DEFB125: variants seen among roughly 807,000 people sequenced by gnomAD.
The protein encoded by DEFB125 is beta-defensin 125.
DEFB125 carries 11 observed loss-of-function variants against 11.8 expected under a neutral mutation model. The observed-to-expected ratio is 0.94, with a 90% CI of 0.59 to 1.55. The LOEUF is 1.55. DEFB125 is among the 40% of genes most tolerant of loss of function. DEFB125 has a pLI of 0.00. For synonymous variants in DEFB125, 79 were observed against 66.7 expected, an observed-to-expected ratio of 1.18 and a Z score of -0.90; for missense variants, 198 against 191.2, an observed-to-expected ratio of 1.04 and a Z score of -0.21.
In DEFB125 at chr20:96,554, C is replaced by T. The variant is rs969235499; in HGVS notation, c.*137C>T. The T allele has an allele frequency of 7.2e-5, 75 of 1,035,046 alleles. 1 individual carries two copies. In the Admixed American group the frequency reaches 1.6e-3, roughly 22 times the overall value. 64.1% of individuals were successfully genotyped at this position (1,035,046 alleles called of 1,614,324 possible). ...ACCATGGGGATGGACATAATTGCTA[C>T]TACCAACACAACAGCCAAGAGAGTT... is the stretch of plus-strand genomic sequence containing the variant. On this transcript the variant is annotated 3_prime_UTR_variant, in exon 2 of 2. Transcript: ENST00000382410.
At chr20:91,621 T>C (rs1348217065) in intron 1 of DEFB125, among the ~76,000 whole-genome samples, 1 of 152,196 alleles carries the variant, frequency 6.6e-6, no homozygotes, top group Non-Finnish European at 1.5e-5. Context: ...AAAACTTTGA[T>C]GACTGTGTGA....
chr20:94,909 C>A (rs2054509327), intron 1 of DEFB125, among the ~76,000 whole-genome samples: 1 of 152,196 alleles, frequency 6.6e-6, no homozygotes, highest in African/African-American at 2.4e-5. Flanking sequence ...GTCCCCCAGG[C>A]TCATCCATGA....
At position 96,453 on chromosome 20, in the gene DEFB125, A is replaced by G. The variant is rs747587209; in HGVS notation, c.*36A>G. 3.8e-6 allele frequency: 6 copies of G among 1,568,602 alleles called. No individual in the cohort carries two copies. The highest frequency in any genetic ancestry group is 5.2e-6 in the Non-Finnish European group (6 of 1,160,450). On this transcript the variant is annotated 3_prime_UTR_variant, in exon 2 of 2. Coordinates refer to ENST00000382410, the MANE Select transcript of DEFB125 (RefSeq NM_153325.4). ...CTTCTGGTATGGAACAACTAGAAATACTGCTGGAAATAATATCCAAAGAGC... is the reference window on the plus strand; with the variant it reads ...CTTCTGGTATGGAACAACTAGAAATGCTGCTGGAAATAATATCCAAAGAGC...
At chr20:91,484 G>A (rs1487035076) in intron 1 of DEFB125, among the ~76,000 whole-genome samples, 3 of 152,068 alleles carry the variant, frequency 2.0e-5, no homozygotes, top group African/African-American at 4.8e-5. Flanking sequence ...AGTCTAGCAG[G>A]GAGTGCATTT....
chr20:92,326 C>T (rs1858670613), intron 1 of DEFB125, among the ~76,000 whole-genome samples: 1 of 151,810 alleles, frequency 6.6e-6, no homozygotes, highest in African/African-American at 2.4e-5. Flanking sequence ...TTTATATCCT[C>T]ACCCCTCAAA....
chr20:90,190 C>T (rs549530005), intron 1 of DEFB125, among the ~76,000 whole-genome samples: 5 of 152,000 alleles, frequency 3.3e-5, no homozygotes, highest in South Asian at 4.2e-4. Context: ...TTTAGGATTT[C>T]GAGATACTGG....
intron 1 of DEFB125, among the ~76,000 whole-genome samples, chr20:90,537 C>A (rs2054492507): frequency 6.6e-6 from 1 of 152,200 alleles, no homozygotes; most frequent in Non-Finnish European, 1.5e-5. Flanking sequence ...CTCTTCCCTG[C>A]CACCATCTTG....
In DEFB125 at chr20:96,108, A is replaced by T; in HGVS notation, c.162A>T (p.Ser54=). The T allele has an allele frequency of 6.2e-7, 1 of 1,614,184 alleles. No homozygotes were observed. The highest frequency in any genetic ancestry group is 2.2e-5 in the East Asian group (1 of 44,874). Residue 54 remains serine (S), a synonymous_variant, in exon 2 of 2, where the codon TCA becomes TCT. Transcript: ENST00000382410. ...TACTTCTTTGTAGGAACAAGCTATC[A>T]TGCTGCATTTCTATAATATCACATG... ...RYILLCRNKL[S]CCISIISHEY... is the part of the protein sequence containing the mutation.
At chr20:90,933 T>C (rs1350254486) in intron 1 of DEFB125, among the ~76,000 whole-genome samples, 1 of 152,236 alleles carries the variant, frequency 6.6e-6, no homozygotes, top group Non-Finnish European at 1.5e-5. Flanking sequence ...ATGAATCTTC[T>C]ATTACCCTTA....
chr20:88,581 T>C (rs1240104293), intron 1 of DEFB125, among the ~76,000 whole-genome samples: 1 of 152,176 alleles, frequency 6.6e-6, no homozygotes, highest in East Asian at 1.9e-4. Flanking sequence ...AATATATTTA[T>C]ATTTGCATGT....
chr20:96,627 G>T lies in DEFB125; in HGVS notation c.*210G>T, dbSNP rs2054517004. 1.8e-6 allele frequency: 1 copy of T among 545,502 alleles called. No homozygotes were observed. The highest frequency in any genetic ancestry group is 3.6e-5 in the South Asian group (1 of 27,660). The allele number at this position is 545,502 out of a possible 1,614,324, so 33.8% of individuals were successfully genotyped here. On this transcript the variant is annotated 3_prime_UTR_variant, in exon 2 of 2. Coordinates refer to ENST00000382410, the MANE Select transcript of DEFB125 (RefSeq NM_153325.4). The stretch of plus-strand genomic sequence containing the variant: ...GACAGAAATGTATAGAAGATACAAG[G>T]ATTCTCTTAATTGGACTTAAATTCT...
At position 87,732 on chromosome 20, in the gene DEFB125, T is replaced by C. The variant is rs745889706; in HGVS notation, c.23T>C (p.Phe8Ser). The C allele has an allele frequency of 6.2e-7, 1 of 1,613,244 alleles. No homozygotes were observed. The highest frequency in any genetic ancestry group is 8.5e-7 in the Non-Finnish European group (1 of 1,179,286). ...GCCATGAATATCCTGATGCTGACCT[T>C]CATTATCTGTGGGTTGCTAACTCGG... MNILMLT[F>S]IICGLLTRVT... The change falls in exon 1 of 2, where the codon TTC becomes TCC. Residue 8 changes from phenylalanine (F) to serine (S), a missense_variant. Physicochemically the swap from Phe to Ser is radical, Grantham distance 155. Transcript: ENST00000382410.
chr20:89,032 T>TC (rs1321368106), intron 1 of DEFB125, among the ~76,000 whole-genome samples: 4 of 152,156 alleles, frequency 2.6e-5, no homozygotes, highest in Non-Finnish European at 4.4e-5. Flanking sequence ...AGTTTTACAG[T>TC]CTAATATGTG....
intron 1 of DEFB125, among the ~76,000 whole-genome samples, chr20:91,907 C>T (rs1174080463): frequency 2.6e-5 from 4 of 151,912 alleles, no homozygotes; most frequent in East Asian, 1.9e-4. Context: ...GAAAATTCCA[C>T]GAAGTACAAA....
chr20:94,457 G>A (rs2054507411), intron 1 of DEFB125, among the ~76,000 whole-genome samples: 1 of 152,118 alleles, frequency 6.6e-6, no homozygotes, highest in South Asian at 2.1e-4. Context: ...TTCCACCTCA[G>A]GTCATCAGGC....
In DEFB125 at chr20:96,488, C is replaced by T; in HGVS notation, c.*71C>T. 6.7e-6 allele frequency: 10 copies of T among 1,503,700 alleles called. No individual in the cohort carries two copies. The highest frequency in any genetic ancestry group is 8.0e-6 in the Non-Finnish European group (9 of 1,127,306). 93.1% of individuals were successfully genotyped at this position (1,503,700 alleles called of 1,614,324 possible). On this transcript the variant is annotated 3_prime_UTR_variant, in exon 2 of 2. Coordinates refer to ENST00000382410, the MANE Select transcript of DEFB125 (RefSeq NM_153325.4). ...ATAATATCCAAAGAGCTGATTCTAC[C>T]AATCCAATTTCACCAGGAAAATTCC...
rs2054515227 is a variant in DEFB125, at chr20:96,288, G to A, written c.342G>A (p.Glu114=). The change falls in exon 2 of 2, where the codon GAG becomes GAA. Residue 114 remains glutamate (E), a synonymous_variant. Coordinates refer to ENST00000382410, the MANE Select transcript of DEFB125 (RefSeq NM_153325.4). ...AATTTGGAGAAACCATGACACCTGAGACCAATACTCCTGAGACTACTATGC... is the reference window on the plus strand; with the variant it reads ...AATTTGGAGAAACCATGACACCTGAAACCAATACTCCTGAGACTACTATGC... ...TTKFGETMTP[E]TNTPETTMPP... 2 of 1,613,892 alleles carry A rather than the reference G, an allele frequency of 1.2e-6. No individual in the cohort carries two copies. The highest frequency in any genetic ancestry group is 2.7e-5 in the African/African-American group (2 of 74,866).
chr20:89,109 T>A (rs1477063430), intron 1 of DEFB125, among the ~76,000 whole-genome samples: 1 of 152,224 alleles, frequency 6.6e-6, no homozygotes, highest in Non-Finnish European at 1.5e-5. Context: ...ATCCAGTCCA[T>A]TAGATTTCTA....
At chr20:95,269 T>C (rs951055266) in intron 1 of DEFB125, among the ~76,000 whole-genome samples, 2 of 152,202 alleles carry the variant, frequency 1.3e-5, no homozygotes, top group African/African-American at 4.8e-5. Flanking sequence ...CTCTTATCTC[T>C]TAATATTGAA....
Sources: gnomAD v4.1 joint callset for allele counts (sites outside exome capture counted in the v4.1 genomes callset) on GRCh38, gnomAD v4.1.1 for gene constraint, MANE v1.5 for transcripts, NCBI Gene and HGNC (gene_info 2026-07-23, HGNC 2026-07-21) for gene names.